Variants in RIMBP2 observed in about 807,000 individuals in gnomAD.
RIMBP2 encodes RIMS binding protein 2.
Under a neutral mutation model 118.6 loss-of-function variants are expected in RIMBP2, and 48 were observed. The observed-to-expected ratio is 0.40, with a 90% CI of 0.32 to 0.51. The LOEUF (loss-of-function observed/expected upper bound fraction) is 0.51, where lower values mean the gene tolerates loss of function less well. Among genes scored for constraint, RIMBP2 ranks in the 20% least tolerant of loss-of-function variants. The probability of loss-of-function intolerance (pLI) is 0.41; values close to 1 mark genes in which losing one functional copy is unlikely to be tolerated. For missense variants in RIMBP2, 1,551 were observed against 1,768.3 expected (o/e 0.88, Z 2.20); for synonymous variants, 762 against 742.9 (o/e 1.03, Z -0.42).
At chr12:130,487,167 G>GA (rs1247682929) in intron 4 of RIMBP2, among the ~76,000 whole-genome samples, 1 of 152,188 alleles carries the variant, frequency 6.6e-6, no homozygotes, top group East Asian at 1.9e-4. Flanking sequence ...AGGTCTTAGC[G>GA]AGTGCCATTC....
At chr12:130,611,822 C>T (rs1470961902) in intron 2 of RIMBP2, among the ~76,000 whole-genome samples, 3 of 152,160 alleles carry the variant, frequency 2.0e-5, no homozygotes, top group Non-Finnish European at 2.9e-5. Flanking sequence ...CATGTAACTG[C>T]CTGTTACACG....
In RIMBP2 at chr12:130,617,592, C is replaced by T. The variant is rs1594058606; in HGVS notation, c.-217+10730G>A. On this transcript the variant is annotated intron_variant, in intron 2 of 22. Transcript: ENST00000690449. This position sits in a 1 kb window ranked among gnomAD's most constrained non-coding sequence, Gnocchi z 4.6. ...GGTATTGAGAAGGGCCTGGAGGCGGCCTTTCCTTTAGCAAAGGTGGGCTGC... is the reference window on the plus strand; with the variant it reads ...GGTATTGAGAAGGGCCTGGAGGCGGTCTTTCCTTTAGCAAAGGTGGGCTGC... 6.6e-6 allele frequency among the ~76,000 whole-genome samples: 1 copy of T among 152,192 alleles called. No individual in the cohort carries two copies. Among genetic ancestry groups the T allele is most frequent in the African/African-American group, 2.4e-5 (1 of 41,452 alleles).
chr12:130,507,298 C>CCATGG (rs1388889739), intron 3 of RIMBP2, among the ~76,000 whole-genome samples: 1 of 152,156 alleles, frequency 6.6e-6, no homozygotes, highest in Non-Finnish European at 1.5e-5. Flanking sequence ...AGCAGGATCC[C>CCATGG]CATGGCATCA....
In RIMBP2 at chr12:130,576,727, G is replaced by A. The variant is rs1037522887; in HGVS notation, c.-217+51595C>T. Among the ~76,000 whole-genome samples, 1 of 152,184 alleles carries A rather than the reference G, an allele frequency of 6.6e-6. No homozygotes were observed. Among genetic ancestry groups the A allele is most frequent in the African/African-American group, 2.4e-5 (1 of 41,466 alleles). ...AGCAGCAGCGAGGAGGAGCCCCGCC[G>A]AGCGCCGAGAGGCATATGTGCGCAC... On this transcript the variant is annotated intron_variant, in intron 2 of 22. Transcript: ENST00000690449. This position sits in a 1 kb window ranked among gnomAD's most constrained non-coding sequence, Gnocchi z 4.2.
At chr12:130,535,755 A>ATACATATATATATG (rs2054001597) in intron 2 of RIMBP2, among the ~76,000 whole-genome samples, 1 of 43,892 alleles carries the variant, frequency 2.3e-5, no homozygotes, top group Non-Finnish European at 5.0e-5. Context: ...ATATATATAT[A>ATACATATATATATG]TATATATATA....
At position 130,620,379 on chromosome 12, in the gene RIMBP2, C is replaced by T. The variant is rs947615585; in HGVS notation, c.-217+7943G>A. 4.6e-5 allele frequency among the ~76,000 whole-genome samples: 7 copies of T among 152,226 alleles called. No individual in the cohort carries two copies. The highest frequency in any genetic ancestry group is 3.3e-4 in the Admixed American group (5 of 15,288). On this transcript the variant is annotated intron_variant, in intron 2 of 22. Transcript: ENST00000690449. This position sits in a 1 kb window ranked among gnomAD's most constrained non-coding sequence, Gnocchi z 5.3. ...CAATCCCTGATGCTTCGCTGGCCCT[C>T]GCCATTGGTCCTTCTAGCAAATCCC...
intron 3 of RIMBP2, among the ~76,000 whole-genome samples, chr12:130,515,720 C>CT (rs2139017687): frequency 6.6e-6 from 1 of 151,660 alleles, no homozygotes; most frequent in South Asian, 2.1e-4. Context: ...TTTCTTGAGA[C>CT]TGAGTTTTGC....
At position 130,710,883 on chromosome 12, in the gene RIMBP2, C is replaced by T. The variant is rs1044847927; in HGVS notation, c.-352+5339G>A. On this transcript the variant is annotated intron_variant, in intron 1 of 22. Coordinates refer to ENST00000690449, the MANE Select transcript of RIMBP2 (RefSeq NM_001393629.1). The surrounding 1 kb of genome is among the most constrained non-coding windows in gnomAD (Gnocchi z 4.3). ...GCTCCCAATCCTCACAGGCCCCGCACGTCACACGTGGGGTCCCATGGAGCC... is the reference window on the plus strand; with the variant it reads ...GCTCCCAATCCTCACAGGCCCCGCATGTCACACGTGGGGTCCCATGGAGCC... Among the ~76,000 whole-genome samples the T allele has an allele frequency of 5.3e-5, 8 of 152,378 alleles. No individual in the cohort carries two copies. Among genetic ancestry groups the T allele is most frequent in the South Asian group, 2.1e-4 (1 of 4,834 alleles).
At chr12:130,550,557 G>T (rs1291472666) in intron 2 of RIMBP2, among the ~76,000 whole-genome samples, 1 of 152,168 alleles carries the variant, frequency 6.6e-6, no homozygotes, top group East Asian at 1.9e-4. Context: ...GGTCAGCTGG[G>T]TAAAGAGTAT....
At position 130,451,231 on chromosome 12, in the gene RIMBP2, C is replaced by T. The variant is rs200467235; in HGVS notation, c.468G>A (p.Ser156=). The T allele has an allele frequency of 6.0e-5, 97 of 1,614,018 alleles. No individual in the cohort carries two copies. The highest frequency in any genetic ancestry group is 2.7e-4 in the Admixed American group (16 of 60,006). ...EPLSAKPTFL[S]RSGSARCRSE... is the part of the protein sequence containing the mutation. ...ATCTGCATCTTGCGCTACCGGATCT[C>T]GACAGGAAGGTGGGCTTGGCGGACA... Residue 156 remains serine (S), a synonymous_variant, in exon 8 of 23, where the codon TCG becomes TCA. Coordinates refer to ENST00000690449, the MANE Select transcript of RIMBP2 (RefSeq NM_001393629.1).
intron 1 of RIMBP2, among the ~76,000 whole-genome samples, chr12:130,715,958 A>G (rs923134377): frequency 3.9e-5 from 6 of 152,114 alleles, no homozygotes; most frequent in Non-Finnish European, 8.8e-5. Context: ...GCACCCAGGA[A>G]GAAGCCCGTC....
chr12:130,714,406 T>C (rs534112518), intron 1 of RIMBP2, among the ~76,000 whole-genome samples: 1 of 152,280 alleles, frequency 6.6e-6, no homozygotes, highest in African/African-American at 2.4e-5. Flanking sequence ...TGGGGTTCTC[T>C]GCCGGGCTTG....
intron 17 of RIMBP2, 53 bp from the exon 18 acceptor site, chr12:130,414,359 C>A (rs538116533): frequency 5.3e-6 from 8 of 1,498,050 alleles, no homozygotes; most frequent in Middle Eastern, 1.8e-4. Context: ...AACTGAGGAG[C>A]GTGCACGGGA....
chr12:130,549,923 G>T (rs2055572108), intron 2 of RIMBP2, among the ~76,000 whole-genome samples: 1 of 152,062 alleles, frequency 6.6e-6, no homozygotes. Flanking sequence ...GCTCTTTGAG[G>T]AGTCGCCATA....
At chr12:130,532,995 A>G (rs1300510876) in intron 2 of RIMBP2, among the ~76,000 whole-genome samples, 988 of 67,052 alleles carry the variant, frequency 0.015, no homozygotes, top group Middle Eastern at 0.037. Context: ...TGAGATGCGT[A>G]TGTTTAGCCT....
chr12:130,631,744 C>T (rs544904895), intron 1 of RIMBP2, among the ~76,000 whole-genome samples: 5 of 151,630 alleles, frequency 3.3e-5, no homozygotes, highest in Non-Finnish European at 7.4e-5. Flanking sequence ...CAAGAAGAAA[C>T]CACTAAAAGT....
chr12:130,590,693 C>T (rs146903357), intron 2 of RIMBP2, among the ~76,000 whole-genome samples: 21 of 152,296 alleles, frequency 1.4e-4, no homozygotes, highest in East Asian at 7.7e-4. Context: ...TGGAGCCCTC[C>T]GCTTGCCAGG....
intron 1 of RIMBP2, among the ~76,000 whole-genome samples, chr12:130,650,973 A>AAAAAAAG (rs71088775): frequency 1.6e-3 from 233 of 143,144 alleles, no homozygotes; most frequent in East Asian, 4.7e-3. Flanking sequence ...AAAAAAAAAA[A>AAAAAAAG]AAAGAAAGAA....
chr12:130,481,434 C>T (rs1375482822), intron 4 of RIMBP2, among the ~76,000 whole-genome samples: 2 of 152,150 alleles, frequency 1.3e-5, no homozygotes, highest in African/African-American at 4.8e-5. Flanking sequence ...GTGTTTCAGG[C>T]ACGGCAACCT....
Sources: allele counts gnomAD v4.1 joint callset (sites outside exome capture counted in the v4.1 genomes callset), GRCh38; gene constraint gnomAD v4.1.1; non-coding constraint Gnocchi (gnomAD v3.1); transcripts MANE v1.5; gene names NCBI Gene and HGNC (gene_info 2026-07-23, HGNC 2026-07-21).